Variants in HDAC5 observed in about 807,000 individuals in gnomAD.
HDAC5 encodes the protein antigen NY-CO-9.
A neutral mutation model predicts 133.3 loss-of-function variants in HDAC5; 25 were observed. That is an observed-to-expected ratio of 0.19 (90% CI 0.14 to 0.26). HDAC5 has a LOEUF of 0.26. HDAC5 is among the 10% of genes least tolerant of loss of function. HDAC5 has a pLI of 1.00. For missense variants in HDAC5, 1,041 were observed against 1,460.5 expected (o/e 0.71, Z 4.68); for synonymous variants, 589 against 610.8 (o/e 0.96, Z 0.53).
chr17:44,120,814 C>T (rs1039909730), intron 1 of HDAC5, among the ~76,000 whole-genome samples: 2 of 151,938 alleles, frequency 1.3e-5, no homozygotes, highest in African/African-American at 4.8e-5. Flanking sequence ...TATCTTGACC[C>T]CTCCTGACCA....
intron 11 of HDAC5, among the ~76,000 whole-genome samples, chr17:44,089,512 AGGCGG>A (rs2143209603): frequency 6.6e-6 from 1 of 152,328 alleles, no homozygotes; most frequent in South Asian, 2.1e-4. Context: ...TGGGAGGCCA[AGGCGG>A]GTGGACCATC....
chr17:44,118,305 C>T (rs1567694220), intron 1 of HDAC5, among the ~76,000 whole-genome samples: 1 of 152,224 alleles, frequency 6.6e-6, no homozygotes, highest in African/African-American at 2.4e-5. Flanking sequence ...CCTCTCCATC[C>T]CAAATCTAGT....
At chr17:44,111,209 C>CTCCCTGCTCCTCCT in intron 2 of HDAC5, 3 of 300,378 alleles carry the variant, frequency 1.0e-5, no homozygotes, top group Non-Finnish European at 2.0e-5. Flanking sequence ...CTGGGCCCGG[C>CTCCCTGCTCCTCCT]TCCCTGCTCC....
At chr17:44,111,199 C>G in intron 2 of HDAC5, 1 of 313,672 alleles carries the variant, frequency 3.2e-6, no homozygotes, top group Non-Finnish European at 6.4e-6. Context: ...GGTGACAGCT[C>G]TGGGCCCGGC....
At position 44,078,619 on chromosome 17, in the gene HDAC5, C is replaced by A. The variant is rs1416482283; in HGVS notation, c.3210G>T (p.Arg1070=). ...CVQKFAAGLG[R]SLREAQAGET... ...CACCTGCTTGGGCCTCTCGCAGGGA[C>A]CGGCCCAGACCAGCGGCGAACTTCT... Residue 1070 remains arginine, a synonymous_variant, in exon 26 of 27, where the codon CGG becomes CGT. Transcript: ENST00000682912. The A allele has an allele frequency of 1.9e-6, 3 of 1,607,194 alleles. No individual in the cohort carries two copies. Among genetic ancestry groups the A allele is most frequent in the Non-Finnish European group, 1.7e-6 (2 of 1,179,790 alleles).
chr17:44,102,481 C>T (rs892806288), intron 3 of HDAC5, among the ~76,000 whole-genome samples: 1 of 152,176 alleles, frequency 6.6e-6, no homozygotes, highest in African/African-American at 2.4e-5. Flanking sequence ...CTGCCTCAGC[C>T]TCCTGAGTAG....
At chr17:44,080,981 C>G in intron 20 of HDAC5, 99 bp from the exon 21 acceptor site, 1 of 1,532,612 alleles carries the variant, frequency 6.5e-7, no homozygotes, top group Non-Finnish European at 8.9e-7. Flanking sequence ...TGCCTGTAAT[C>G]CTAGCATTTT....
In HDAC5 at chr17:44,093,725, G is replaced by C. The variant is rs1388124213; in HGVS notation, c.204C>G (p.Asp68Glu). ...GCAGTTGCTGCTCCCGCAGTGTGGGGTCCACAGAGCCCACCAGAGCCCCCC... is the reference window on the plus strand; with the variant it reads ...GCAGTTGCTGCTCCCGCAGTGTGGGCTCCACAGAGCCCACCAGAGCCCCCC... ...ELRGALVGSVDPTLREQQLQQ... is the reference protein window; with the variant it reads ...ELRGALVGSVEPTLREQQLQQ... The change falls in exon 4 of 27, where the codon GAC (aspartate) becomes GAG (glutamate). Residue 68 changes from aspartate (D) to glutamate (E), a missense_variant. By Grantham distance (45) the Asp-to-Glu change is conservative. This residue lies in a region of HDAC5 where 93 missense variants were observed against 98.8 expected (regional missense o/e 0.94). Transcript: ENST00000682912. 6 of 1,605,134 alleles carry C rather than the reference G, an allele frequency of 3.7e-6. No individual in the cohort carries two copies. The highest frequency in any genetic ancestry group is 2.2e-5 in the East Asian group (1 of 44,668).
intron 3 of HDAC5, among the ~76,000 whole-genome samples, chr17:44,101,170 C>G (rs2051581775): frequency 6.7e-6 from 1 of 150,060 alleles, no homozygotes; most frequent in African/African-American, 2.4e-5. Flanking sequence ...CTTTGGGAGG[C>G]TGAGACAGGC....
chr17:44,090,410 T>C (rs2050886422), intron 11 of HDAC5, among the ~76,000 whole-genome samples: 1 of 152,164 alleles, frequency 6.6e-6, no homozygotes, highest in Admixed American at 6.5e-5. Flanking sequence ...AGTGTCGCTC[T>C]GTTGCCCAGG....
At chr17:44,112,291 C>A (rs976649787) in intron 2 of HDAC5, among the ~76,000 whole-genome samples, 8 of 152,134 alleles carry the variant, frequency 5.3e-5, no homozygotes, top group African/African-American at 1.9e-4. Context: ...CAGCACAGCC[C>A]CTGCTCCCTG....
At chr17:44,101,851 A>T (rs2051629407) in intron 3 of HDAC5, among the ~76,000 whole-genome samples, 1 of 145,798 alleles carries the variant, frequency 6.9e-6, no homozygotes, top group Non-Finnish European at 1.5e-5. Flanking sequence ...GGGACAGGTG[A>T]GGGTCTCAAA....
intron 9 of HDAC5, 22 bp downstream of exon 9, chr17:44,092,150 C>G: frequency 6.3e-7 from 1 of 1,599,794 alleles, no homozygotes. Flanking sequence ...CCCGCCCCAC[C>G]AGCCCCCAGC....
Position 44,093,761 on chromosome 17 carries a change from A to C in HDAC5, c.168T>G (p.Pro56=), listed in dbSNP as rs749935358. ...CCACCAGAGCCCCCCGTAGCTCCAC[A>C]GGGCTGGGGCTGCCTCCACCCCCAC... ...MGGGGGGSPS[P]VELRGALVGS... Residue 56 remains proline, a synonymous_variant, in exon 4 of 27, where the codon CCT becomes CCG. Transcript: ENST00000682912. 21 of 1,594,676 alleles carry C rather than the reference A, an allele frequency of 1.3e-5. No homozygotes were observed. The highest frequency in any genetic ancestry group is 1.8e-5 in the Non-Finnish European group (21 of 1,169,896).
intron 20 of HDAC5, 76 bp downstream of exon 20, chr17:44,082,509 G>A (rs985273735): frequency 2.6e-6 from 3 of 1,169,766 alleles, no homozygotes; most frequent in Admixed American, 3.5e-5. Context: ...TGGGGCTGGG[G>A]GAGGAGACTT....
At position 44,086,489 on chromosome 17, in the gene HDAC5, C is replaced by T. The variant is rs1421184314; in HGVS notation, c.2050+83G>A. The stretch of plus-strand genomic sequence containing the variant: ...AGGGTGCCTAAGGGGCCCCAGCAGC[C>T]TCTTCCCCCTGCCATGGGGCAGACA... On this transcript the variant is annotated intron_variant, in intron 14 of 26. Transcript: ENST00000682912. 3.4e-6 allele frequency: 4 copies of T among 1,188,776 alleles called. No individual in the cohort carries two copies. In the African/African-American group the frequency reaches 6.3e-5, roughly 19 times the overall value. The allele number at this position is 1,188,776 out of a possible 1,614,324, so 73.6% of individuals were successfully genotyped here.
chr17:44,086,042 T>C (rs771545899), intron 14 of HDAC5, among the ~76,000 whole-genome samples: 1 of 152,186 alleles, frequency 6.6e-6, no homozygotes, highest in African/African-American at 2.4e-5. Context: ...CCAGCAAGGC[T>C]GCCCTGGACA....
intron 1 of HDAC5, chr17:44,120,229 T>C (rs1339998575): frequency 6.6e-6 from 1 of 152,252 alleles, no homozygotes; most frequent in Admixed American, 6.5e-5. Flanking sequence ...GAGATCTTGT[T>C]CCTCAAACAA....
At chr17:44,111,071 G>T in intron 2 of HDAC5, 1 of 499,858 alleles carries the variant, frequency 2.0e-6, no homozygotes, top group East Asian at 3.7e-5. Flanking sequence ...CTCTGCTCTA[G>T]AGGGGCATCC....
Sources: allele counts gnomAD v4.1 joint callset (sites outside exome capture counted in the v4.1 genomes callset), GRCh38; gene constraint gnomAD v4.1.1; regional missense constraint gnomAD v4.1.1; transcripts MANE v1.5; gene names NCBI Gene and HGNC (gene_info 2026-07-23, HGNC 2026-07-21).